GRM7: variants seen among roughly 807,000 people sequenced by gnomAD.
GRM7 encodes the protein glutamate metabotropic receptor 7.
GRM7 carries 35 observed loss-of-function variants against 84.5 expected under a neutral mutation model. The ratio of observed to expected loss-of-function variants is 0.41; its 90% CI spans 0.32 to 0.55. GRM7 has a LOEUF of 0.55. GRM7 is among the 20% of genes least tolerant of loss of function. The pLI, the probability that GRM7 is intolerant of heterozygous loss-of-function variation, is 0.19. For missense variants in GRM7, 1,003 were observed against 1,194.6 expected (o/e 0.84, Z 2.36); for synonymous variants, 487 against 455.1 (o/e 1.07, Z -0.89).
chr3:7,454,248 G>C (rs1697913026), intron 6 of GRM7, among the ~76,000 whole-genome samples: 1 of 151,960 alleles, frequency 6.6e-6, no homozygotes, highest in Admixed American at 6.6e-5. Context: ...TAAATTGATA[G>C]GTTTCCTAAA....
chr3:7,128,770 A>AGT (rs567379457), intron 1 of GRM7, among the ~76,000 whole-genome samples: 15 of 151,904 alleles, frequency 9.9e-5, no homozygotes, highest in Admixed American at 2.0e-4. Flanking sequence ...CGCTTCCCAA[A>AGT]GTGCTAGGAT....
At chr3:7,099,326 T>C (rs190144630) in intron 1 of GRM7, among the ~76,000 whole-genome samples, 1 of 146,820 alleles carries the variant, frequency 6.8e-6, no homozygotes, top group African/African-American at 2.5e-5. Context: ...CATGTATATA[T>C]GTACACATGT....
intron 1 of GRM7, among the ~76,000 whole-genome samples, chr3:6,916,794 T>A (rs554880701): frequency 6.6e-6 from 1 of 152,276 alleles, no homozygotes; most frequent in South Asian, 2.1e-4. Context: ...AAAACTTTAT[T>A]AATTCATTTT....
At chr3:7,085,269 A>C (rs1698413381) in intron 1 of GRM7, among the ~76,000 whole-genome samples, 1 of 152,194 alleles carries the variant, frequency 6.6e-6, no homozygotes, top group Non-Finnish European at 1.5e-5. Context: ...TTTTATAAAA[A>C]TCCAGATACC....
intron 1 of GRM7, among the ~76,000 whole-genome samples, chr3:7,076,435 T>A (rs1033388059): frequency 2.0e-5 from 3 of 152,068 alleles, no homozygotes; most frequent in African/African-American, 7.2e-5. Context: ...ATTTAATGTG[T>A]TTATAAGTGG....
intron 4 of GRM7, among the ~76,000 whole-genome samples, chr3:7,394,398 G>T (rs922594554): frequency 1.1e-4 from 17 of 152,172 alleles, no homozygotes; most frequent in African/African-American, 3.9e-4. Context: ...GAGATCATCT[G>T]GCCTGGCCAC....
intron 1 of GRM7, among the ~76,000 whole-genome samples, chr3:7,145,160 A>G (rs989691025): frequency 1.3e-5 from 2 of 152,126 alleles, no homozygotes; most frequent in Non-Finnish European, 1.5e-5. Flanking sequence ...GCGTGGCTTT[A>G]CCATATTTGA....
At chr3:7,028,927 G>A (rs2124923822) in intron 1 of GRM7, among the ~76,000 whole-genome samples, 1 of 152,306 alleles carries the variant, frequency 6.6e-6, no homozygotes, top group East Asian at 1.9e-4. Context: ...CTGGAACCCT[G>A]TGCACTGCTG....
chr3:7,356,045 T>C (rs551177562), intron 4 of GRM7, among the ~76,000 whole-genome samples: 14 of 152,214 alleles, frequency 9.2e-5, no homozygotes, highest in Non-Finnish European at 2.1e-4. Context: ...AGGCAGAACT[T>C]CAGCCAGTGC....
chr3:7,729,712 G>GT (rs146420849), intron 9 of GRM7, among the ~76,000 whole-genome samples: 1,601 of 152,010 alleles, frequency 0.011, 37 homozygotes, highest in African/African-American at 0.036. Context: ...ATCTACTTTT[G>GT]TTTTTTGTTT....
At chr3:7,098,289 C>T (rs1698927501) in intron 1 of GRM7, among the ~76,000 whole-genome samples, 1 of 151,944 alleles carries the variant, frequency 6.6e-6, no homozygotes, top group African/African-American at 2.4e-5. Flanking sequence ...TGGGTCCTTG[C>T]ATGTTAAAGT....
intron 1 of GRM7, among the ~76,000 whole-genome samples, chr3:6,876,569 T>G (rs1352168717): frequency 6.6e-6 from 1 of 151,504 alleles, no homozygotes; most frequent in Non-Finnish European, 1.5e-5. Flanking sequence ...CAGGTCAATG[T>G]GACTGATAAG....
At chr3:6,980,024 T>A (rs1472610453) in intron 1 of GRM7, among the ~76,000 whole-genome samples, 2 of 152,154 alleles carry the variant, frequency 1.3e-5, no homozygotes, top group Admixed American at 1.3e-4. Flanking sequence ...ACTGGAATTT[T>A]TTTTGTTTAC....
intron 8 of GRM7, among the ~76,000 whole-genome samples, chr3:7,608,273 G>A: frequency 6.6e-6 from 1 of 152,266 alleles, no homozygotes; most frequent in African/African-American, 2.4e-5. Flanking sequence ...GGGTCAAGTA[G>A]TAATTCCACT....
chr3:7,647,285 A>G (rs1698692195), intron 8 of GRM7, among the ~76,000 whole-genome samples: 1 of 152,196 alleles, frequency 6.6e-6, no homozygotes. Context: ...CTTACAAAGA[A>G]TGGGTACAGA....
chr3:6,915,605 C>A (rs756027526), intron 1 of GRM7, among the ~76,000 whole-genome samples: 4 of 152,146 alleles, frequency 2.6e-5, no homozygotes, highest in Non-Finnish European at 4.4e-5. Flanking sequence ...CAAGCTCATG[C>A]TAATATGTTC....
At chr3:7,168,724 A>G (rs1265587757) in intron 2 of GRM7, among the ~76,000 whole-genome samples, 2 of 152,200 alleles carry the variant, frequency 1.3e-5, no homozygotes, top group Non-Finnish European at 2.9e-5. Flanking sequence ...GCCATTTACA[A>G]TGGAAGGGAA....
chr3:7,165,771 C>T (rs138054795), intron 2 of GRM7, among the ~76,000 whole-genome samples: 93 of 152,240 alleles, frequency 6.1e-4, no homozygotes, highest in African/African-American at 2.1e-3. Flanking sequence ...TTTTAAAGCT[C>T]TATTTACATG....
At chr3:7,277,037 GC>G (rs1699098827) in intron 2 of GRM7, among the ~76,000 whole-genome samples, 1 of 151,914 alleles carries the variant, frequency 6.6e-6, no homozygotes, top group South Asian at 2.1e-4. Context: ...TCCAGTCAAA[GC>G]AAGTGTTCTA....
Sources: gnomAD v4.1 joint callset for allele counts (sites outside exome capture counted in the v4.1 genomes callset) on GRCh38, gnomAD v4.1.1 for gene constraint, MANE v1.5 for transcripts, NCBI Gene and HGNC (gene_info 2026-07-23, HGNC 2026-07-21) for gene names.